SMIM45: variants seen among roughly 807,000 people sequenced by gnomAD.
SMIM45 encodes small integral membrane protein 45, also known as long intergenic non-protein coding RNA 634.
At chr22:41,953,740 G>GT in the SMIM45 span, among the ~76,000 whole-genome samples, 5,721 of 89,146 alleles carry the variant, frequency 0.064, 1,722 homozygotes, top group Non-Finnish European at 0.11. Context: ...TCTGTGATCT[G>GT]TTTTTTTTTT....
At chr22:41,957,027 C>T in the SMIM45 span, among the ~76,000 whole-genome samples, 1 of 151,976 alleles carries the variant, frequency 6.6e-6, no homozygotes, top group African/African-American at 2.4e-5. Flanking sequence ...GTGATCTGCC[C>T]ACCTCGGCCT....
At chr22:41,947,240 T>C in the SMIM45 span, 2 of 627,778 alleles carry the variant, frequency 3.2e-6, no homozygotes, top group Non-Finnish European at 5.7e-6. Flanking sequence ...TATCTCCTTT[T>C]CTGAGGGGCG....
chr22:41,958,175 C>T, the SMIM45 span: 1 of 379,816 alleles, frequency 2.6e-6, no homozygotes, highest in South Asian at 1.9e-5. Flanking sequence ...GGCCCCAGTG[C>T]CTTTGCGCTG....
the SMIM45 span, chr22:41,947,184 G>T: frequency 4.9e-6 from 5 of 1,011,508 alleles, no homozygotes; most frequent in South Asian, 1.4e-5. Flanking sequence ...CCTTATAGGC[G>T]GGGCTTCGCG....
chr22:41,948,746 C>G, the SMIM45 span, among the ~76,000 whole-genome samples: 1 of 151,892 alleles, frequency 6.6e-6, no homozygotes, highest in African/African-American at 2.4e-5. Flanking sequence ...AGTGAGACCT[C>G]ATCTCTACAA....
At chr22:41,955,686 G>A in the SMIM45 span, among the ~76,000 whole-genome samples, 1 of 151,578 alleles carries the variant, frequency 6.6e-6, no homozygotes, top group Non-Finnish European at 1.5e-5. Flanking sequence ...GTCACCTGCA[G>A]TCCCAGCTAC....
chr22:41,958,203 C>G, the SMIM45 span: 1 of 426,446 alleles, frequency 2.3e-6, no homozygotes, highest in Non-Finnish European at 4.7e-6. Context: ...CTCTGCCCTC[C>G]ACTGGACTCA....
the SMIM45 span, chr22:41,958,513 G>A: frequency 5.7e-4 from 198 of 344,450 alleles, no homozygotes; most frequent in Middle Eastern, 1.7e-3. Context: ...AGAGAGTCTG[G>A]GGGGAGCGGG....
the SMIM45 span, among the ~76,000 whole-genome samples, chr22:41,957,162 G>A: frequency 1.3e-5 from 2 of 149,960 alleles, no homozygotes; most frequent in Admixed American, 6.6e-5. Flanking sequence ...AGGCCTGGGC[G>A]GCTGAGTCAC....
the SMIM45 span, chr22:41,947,273 C>T: frequency 3.4e-6 from 2 of 596,142 alleles, no homozygotes; most frequent in Admixed American, 2.9e-5. Context: ...CCGTGGAACA[C>T]GTGGTGGACA....
the SMIM45 span, among the ~76,000 whole-genome samples, chr22:41,954,379 G>C: frequency 6.6e-6 from 1 of 151,718 alleles, no homozygotes; most frequent in Non-Finnish European, 1.5e-5. Context: ...GCTAATTTTT[G>C]TACTTTTAGA....
At chr22:41,955,686 G>T in the SMIM45 span, among the ~76,000 whole-genome samples, 1 of 151,578 alleles carries the variant, frequency 6.6e-6, no homozygotes, top group African/African-American at 2.4e-5. Context: ...GTCACCTGCA[G>T]TCCCAGCTAC....
chr22:41,949,459 C>T, the SMIM45 span, among the ~76,000 whole-genome samples: 1 of 152,110 alleles, frequency 6.6e-6, no homozygotes, highest in African/African-American at 2.4e-5. Context: ...CTGGCACTTC[C>T]GAGGCGTAGC....
chr22:41,958,446 A>T, the SMIM45 span: 1 of 452,436 alleles, frequency 2.2e-6, no homozygotes, highest in East Asian at 7.0e-5. Context: ...GGGGGTATGC[A>T]GAGGGATAAG....
chr22:41,951,214 C>T, the SMIM45 span, among the ~76,000 whole-genome samples: 2 of 152,254 alleles, frequency 1.3e-5, no homozygotes, highest in Non-Finnish European at 2.9e-5. Flanking sequence ...TTCCCAGCCA[C>T]GCCCCGTGGG....
At chr22:41,954,256 G>T in the SMIM45 span, among the ~76,000 whole-genome samples, 1 of 145,194 alleles carries the variant, frequency 6.9e-6, no homozygotes, top group African/African-American at 2.6e-5. Context: ...ACCCAGGCTG[G>T]AGTGCAGTGG....
chr22:41,951,580 G>A, the SMIM45 span, among the ~76,000 whole-genome samples: 1 of 152,204 alleles, frequency 6.6e-6, no homozygotes, highest in Non-Finnish European at 1.5e-5. Flanking sequence ...AGAATGGGGA[G>A]GGGGAGCCAT....
chr22:41,947,013 C>T, the SMIM45 span: 4,945 of 1,612,684 alleles, frequency 3.1e-3, 149 homozygotes, highest in African/African-American at 0.06. Flanking sequence ...GGGCCGCCTG[C>T]ACCTACCAAG....
the SMIM45 span, among the ~76,000 whole-genome samples, chr22:41,950,669 G>A: frequency 1.3e-5 from 2 of 151,750 alleles, no homozygotes; most frequent in African/African-American, 4.8e-5. Flanking sequence ...CTGTGCTCCA[G>A]CCTGAGTGAA....
Sources: allele counts gnomAD v4.1 joint callset (sites outside exome capture counted in the v4.1 genomes callset), GRCh38; gene constraint gnomAD v4.1.1; transcripts MANE v1.5; gene names NCBI Gene and HGNC (gene_info 2026-07-23, HGNC 2026-07-21).